IGSF9B: variants seen among roughly 807,000 people sequenced by gnomAD.
IGSF9B encodes protein turtle homolog B.
A neutral mutation model predicts 143.7 loss-of-function variants in IGSF9B; 48 were observed. That is an observed-to-expected ratio of 0.33 (90% CI 0.26 to 0.42). IGSF9B has a LOEUF of 0.42. Ranked by LOEUF, IGSF9B falls within the 20% of genes least tolerant of loss-of-function variation. The probability of loss-of-function intolerance (pLI) is 1.00; values close to 1 mark genes in which losing one functional copy is unlikely to be tolerated. For missense variants in IGSF9B, 1,706 were observed against 1,980.0 expected (o/e 0.86, Z 2.63); for synonymous variants, 903 against 833.1 (o/e 1.08, Z -1.44).
At chr11:133,942,375 C>G (rs1939968237) in intron 3 of IGSF9B, among the ~76,000 whole-genome samples, 1 of 152,162 alleles carries the variant, frequency 6.6e-6, no homozygotes, top group South Asian at 2.1e-4. Context: ...TGAAACGAAC[C>G]TCATCTTTTA....
At chr11:133,911,136 C>G (rs978291745) in intron 19 of IGSF9B, among the ~76,000 whole-genome samples, 1 of 152,224 alleles carries the variant, frequency 6.6e-6, no homozygotes, top group African/African-American at 2.4e-5. Context: ...AGCATTCTTC[C>G]TTGACAGACT....
In IGSF9B at chr11:133,913,337, T is replaced by C. The variant is rs748919; in HGVS notation, c.3984-1330A>G. Among the ~76,000 whole-genome samples, 31,382 of 150,926 alleles carry C rather than the reference T, an allele frequency of 0.21. 3,754 individuals carry two copies. Among genetic ancestry groups the C allele is most frequent in the East Asian group, 0.5 (2,579 of 5,128 alleles). On this transcript the variant is annotated intron_variant, in intron 18 of 19. Transcript: ENST00000533871. This position sits in a 1 kb window ranked among gnomAD's most constrained non-coding sequence, Gnocchi z 4.6. ...AGCGGTCTGAGGTTAAAAAAAAAAA[T>C]GTTAAGAGGGATAGGAAGCCTGCAG...
rs145495140 is a variant in IGSF9B at position 133,941,892 on chromosome 11, C to A, written c.409+2328G>T. Among the ~76,000 whole-genome samples, 8 of 152,298 alleles carry A rather than the reference C, an allele frequency of 5.3e-5. No homozygotes were observed. In the East Asian group the frequency reaches 1.5e-3, roughly 29 times the overall value. ...CCCTAGCCAGGTCTCTGAAGAGAGG[C>A]CATTTCTTCAGAGAAGTTCTCCCTC... On this transcript the variant is annotated intron_variant, in intron 3 of 19. Transcript: ENST00000533871.
At chr11:133,935,972 C>A (rs1194573516) in intron 6 of IGSF9B, 81 bp downstream of exon 6, 5 of 1,525,464 alleles carry the variant, frequency 3.3e-6, no homozygotes, top group Non-Finnish European at 4.5e-6. Context: ...GGGCAGCCTG[C>A]CCGTGCAATT....
intron 18 of IGSF9B, among the ~76,000 whole-genome samples, chr11:133,918,758 C>A (rs1939443737): frequency 6.6e-6 from 1 of 151,574 alleles, no homozygotes; most frequent in Non-Finnish European, 1.5e-5. Context: ...TCTCTGCTCC[C>A]TCCACAGGCG....
Position 133,902,117 on chromosome 11 carries a change from CCACA to C in IGSF9B, c.*6948_*6951del, listed in dbSNP as rs759147359. ...ACAAAACACATAGCACACACACACA[CCACA>C]CACAGTCCATGTACCACACCAAACA... On this transcript the variant is annotated 3_prime_UTR_variant, in exon 20 of 20. Coordinates refer to ENST00000533871, the MANE Select transcript of IGSF9B (RefSeq NM_001277285.4). Among the ~76,000 whole-genome samples, 2 of 149,644 alleles carry C rather than the reference CCACA, an allele frequency of 1.3e-5. No homozygotes were observed. The highest frequency in any genetic ancestry group is 2.5e-5 in the African/African-American group (1 of 40,522).
chr11:133,899,654 G>A lies in IGSF9B; in HGVS notation c.*9415C>T, dbSNP rs1392670216. 1 of 152,324 alleles carries A rather than the reference G, an allele frequency of 6.6e-6. No homozygotes were observed. Among genetic ancestry groups the A allele is most frequent in the African/African-American group, 2.4e-5 (1 of 41,466 alleles). The allele number at this position is 152,324 out of a possible 1,614,324, so 9.4% of individuals were successfully genotyped here. On this transcript the variant is annotated 3_prime_UTR_variant, in exon 20 of 20. Coordinates refer to ENST00000533871, the MANE Select transcript of IGSF9B (RefSeq NM_001277285.4). Reference sequence around the variant, plus strand: ...GCAAGCCCTAGGACATGCCCGAGGTGTTGGAGCAGTTTACTCTGCTGGTTG... The same window carrying A: ...GCAAGCCCTAGGACATGCCCGAGGTATTGGAGCAGTTTACTCTGCTGGTTG...
intron 3 of IGSF9B, among the ~76,000 whole-genome samples, chr11:133,941,226 C>T (rs1345728125): frequency 1.3e-5 from 2 of 152,116 alleles, no homozygotes; most frequent in South Asian, 2.1e-4. Context: ...TTTACAAGAG[C>T]CCTGTAATTA....
At chr11:133,930,541 C>G (rs1291747517) in intron 11 of IGSF9B, among the ~76,000 whole-genome samples, 1 of 152,226 alleles carries the variant, frequency 6.6e-6, no homozygotes, top group African/African-American at 2.4e-5. Context: ...CGCCCAGACA[C>G]AGAACCCCAG....
intron 2 of IGSF9B, among the ~76,000 whole-genome samples, chr11:133,944,877 A>T (rs1940018274): frequency 6.6e-6 from 1 of 152,182 alleles, no homozygotes; most frequent in Non-Finnish European, 1.5e-5. Flanking sequence ...GAGGGAAGGC[A>T]GGCTGGGGTC....
At chr11:133,917,372 C>T (rs145192562) in intron 18 of IGSF9B, among the ~76,000 whole-genome samples, 6 of 152,182 alleles carry the variant, frequency 3.9e-5, no homozygotes, top group Non-Finnish European at 7.4e-5. Flanking sequence ...AGGCTGACTG[C>T]GGGGGCAGGG....
intron 14 of IGSF9B, among the ~76,000 whole-genome samples, 193 bp downstream of exon 14, chr11:133,925,546 G>A (rs1397153785): frequency 6.6e-6 from 1 of 152,168 alleles, no homozygotes; most frequent in Non-Finnish European, 1.5e-5. Context: ...CTGGCCCCGA[G>A]CCTGTGGGCC....
intron 3 of IGSF9B, among the ~76,000 whole-genome samples, chr11:133,939,690 C>A (rs1939887582): frequency 6.6e-6 from 1 of 152,276 alleles, no homozygotes; most frequent in Non-Finnish European, 1.5e-5. Context: ...AGGGTGGCCA[C>A]TGAATGAATG....
At position 133,931,923 on chromosome 11, in the gene IGSF9B, C is replaced by A. The variant is rs1205519800; in HGVS notation, c.1111-128G>T. On this transcript the variant is annotated intron_variant, in intron 8 of 19. Transcript: ENST00000533871. This position sits in a 1 kb window ranked among gnomAD's most constrained non-coding sequence, Gnocchi z 7.7. ...GAGCTCCAGCCCGGGGCGGGCGGCA[C>A]CCGCAGACCCCTACAGAAGCAGCTC... The A allele has an allele frequency of 1.3e-4, 198 of 1,489,760 alleles. 1 individual carries two copies. The highest frequency in any genetic ancestry group is 2.3e-5 in the Non-Finnish European group (26 of 1,108,486). 92.3% of individuals were successfully genotyped at this position (1,489,760 alleles called of 1,614,324 possible).
chr11:133,927,894 G>C (rs888894485), intron 12 of IGSF9B, among the ~76,000 whole-genome samples: 10 of 152,166 alleles, frequency 6.6e-5, no homozygotes, highest in Non-Finnish European at 1.5e-4. Flanking sequence ...TACCGTGCAC[G>C]CCCAGGAGGG....
chr11:133,954,838 G>A (rs1940221024), intron 1 of IGSF9B, among the ~76,000 whole-genome samples: 1 of 152,148 alleles, frequency 6.6e-6, no homozygotes, highest in Non-Finnish European at 1.5e-5. Flanking sequence ...TACATGTCCA[G>A]CCATTCCAGA....
chr11:133,953,248 A>G lies in IGSF9B; in HGVS notation c.64+3443T>C, dbSNP rs887984259. On this transcript the variant is annotated intron_variant, in intron 1 of 19. Transcript: ENST00000533871. The surrounding 1 kb of genome is among the most constrained non-coding windows in gnomAD (Gnocchi z 4.2). Reference sequence around the variant, plus strand: ...ATAAACACGAAACCACTCAAGGTCTATCTAGGACCCTGCAACTCCAGGACC... The same window carrying G: ...ATAAACACGAAACCACTCAAGGTCTGTCTAGGACCCTGCAACTCCAGGACC... Among the ~76,000 whole-genome samples, 1 of 152,100 alleles carries G rather than the reference A, an allele frequency of 6.6e-6. No individual in the cohort carries two copies. Among genetic ancestry groups the G allele is most frequent in the South Asian group, 2.1e-4 (1 of 4,816 alleles).
intron 7 of IGSF9B, among the ~76,000 whole-genome samples, chr11:133,932,532 GAC>G: frequency 7.9e-6 from 1 of 127,256 alleles, no homozygotes; most frequent in Non-Finnish European, 1.7e-5. Flanking sequence ...TGGGAGAGCA[GAC>G]AGACAGACAG....
At position 133,920,251 on chromosome 11, in the gene IGSF9B, G is replaced by A. The variant is rs1440153507; in HGVS notation, c.3474C>T (p.His1158=). 7.3e-6 allele frequency: 11 copies of A among 1,516,840 alleles called. No homozygotes were observed. Among genetic ancestry groups the A allele is most frequent in the South Asian group, 6.6e-5 (5 of 75,988 alleles). The allele number at this position is 1,516,840 out of a possible 1,614,324, so 94.0% of individuals were successfully genotyped here. The change falls in exon 18 of 20, where the codon CAC becomes CAT. Residue 1158 remains histidine (H), a synonymous_variant. Transcript: ENST00000533871. The part of the protein sequence containing the change: ...PYPEPAEPGA[H]GGPSTFGLDT... ...CCAGGCCAAATGTGCTGGGGCCGCC[G>A]TGCGCCCCCGGCTCAGCCGGCTCGG...
Sources: gnomAD v4.1 joint callset for allele counts (sites outside exome capture counted in the v4.1 genomes callset) on GRCh38, gnomAD v4.1.1 for gene constraint, Gnocchi (gnomAD v3.1) non-coding constraint, MANE v1.5 for transcripts, NCBI Gene and HGNC (gene_info 2026-07-23, HGNC 2026-07-21) for gene names.